NAA11: variants seen among roughly 807,000 people sequenced by gnomAD.
The protein encoded by NAA11 is N-alpha-acetyltransferase 11, NatA catalytic subunit, also known as N-alpha-acetyltransferase 11.
Under a neutral mutation model 16.1 loss-of-function variants are expected in NAA11, and 15 were observed. That is an observed-to-expected ratio of 0.93 (90% CI 0.62 to 1.44). The LOEUF is 1.44. NAA11 is among the 40% of genes most tolerant of loss of function. The probability of loss-of-function intolerance (pLI) is 0.00; values close to 1 mark genes in which losing one functional copy is unlikely to be tolerated. For synonymous variants in NAA11, 122 were observed against 112.4 expected (o/e 1.09, Z -0.54); for missense variants, 298 against 291.3 (o/e 1.02, Z -0.17).
chr4:79,325,001 A>G (rs750070063), intron 1 of NAA11, among the ~76,000 whole-genome samples, 175 bp downstream of exon 1: 2 of 152,182 alleles, frequency 1.3e-5, no homozygotes, highest in African/African-American at 2.4e-5. Flanking sequence ...AACTTCCAAT[A>G]GCGTGTAATG....
At chr4:79,220,880 A>G (rs559218486), downstream of NAA11, among the ~76,000 whole-genome samples, 2 of 151,952 alleles carry the variant, frequency 1.3e-5, no homozygotes, top group Admixed American at 6.6e-5. Context: ...TCCATATGAA[A>G]TTTAAAGTAG....
intron 2 of NAA11, among the ~76,000 whole-genome samples, chr4:79,257,013 A>G (rs1722129429): frequency 6.6e-6 from 1 of 152,152 alleles, no homozygotes; most frequent in Non-Finnish European, 1.5e-5. Flanking sequence ...TTATATACAT[A>G]TTTCATTAAC....
chr4:79,248,446 G>T (rs1721895529), intron 2 of NAA11, among the ~76,000 whole-genome samples: 1 of 152,136 alleles, frequency 6.6e-6, no homozygotes, highest in African/African-American at 2.4e-5. Flanking sequence ...GGCTGCCAGT[G>T]TGAGCACACT....
chr4:79,245,858 C>T (rs1721809950), intron 2 of NAA11, among the ~76,000 whole-genome samples: 2 of 152,186 alleles, frequency 1.3e-5, no homozygotes, highest in African/African-American at 2.4e-5. Context: ...CTCTGCCCGG[C>T]GGCCACCCCT....
Position 79,325,720 on chromosome 4 carries a change from A to G in NAA11, c.158T>C (p.Val53Ala), listed in dbSNP as rs1216872350. 2 of 1,614,182 alleles carry G rather than the reference A, an allele frequency of 1.2e-6. No individual in the cohort carries two copies. Among genetic ancestry groups the G allele is most frequent in the South Asian group, 1.1e-5 (1 of 91,080 alleles). The change falls in exon 1 of 2, where the codon GTG becomes GCG. Residue 53 changes from valine (V) to alanine (A), a missense_variant. Coordinates refer to ENST00000286794, the MANE Select transcript of NAA11 (RefSeq NM_032693.3). ...CTCCATTTTGGCCAGAACATAGCCC[A>G]CAATCTTCCCGTCCTCATCCTCAGC... ...YIAEDEDGKIVGYVLAKMEEE... is the reference protein window; with the variant it reads ...YIAEDEDGKIAGYVLAKMEEE...
intron 2 of NAA11, among the ~76,000 whole-genome samples, chr4:79,244,340 C>A (rs1460541883): frequency 1.2e-4 from 2 of 17,062 alleles, no homozygotes; most frequent in Non-Finnish European, 8.3e-4. Flanking sequence ...TAATACTAAG[C>A]CATAGGCATC....
At chr4:79,157,898 A>ATTTTT in the NAA11 span, among the ~76,000 whole-genome samples, 2 of 126,008 alleles carry the variant, frequency 1.6e-5, no homozygotes, top group African/African-American at 6.2e-5. Context: ...ATTGCTGATG[A>ATTTTT]TTTTTTTTTT....
chr4:79,235,069 G>A (rs1721544069), intron 2 of NAA11, among the ~76,000 whole-genome samples: 1 of 152,130 alleles, frequency 6.6e-6, no homozygotes, highest in African/African-American at 2.4e-5. Flanking sequence ...GATACCAGAA[G>A]CTGATCTTTT....
chr4:79,208,456 A>T, the NAA11 span, among the ~76,000 whole-genome samples: 304 of 152,182 alleles, frequency 2.0e-3, 1 homozygote, highest in Non-Finnish European at 2.8e-3. Context: ...GATATTTTGC[A>T]TTTCTGACTG....
intron 2 of NAA11, among the ~76,000 whole-genome samples, chr4:79,290,418 T>G (rs1407028257): frequency 6.6e-6 from 1 of 152,178 alleles, no homozygotes; most frequent in Non-Finnish European, 1.5e-5. Context: ...TGAGCCTCTG[T>G]CCTACTCATT....
Position 79,256,652 on chromosome 4 carries a change from A to AATATATATATATATATATATACATATT in NAA11, c.*123-30383_*123-30382insAATATGTATATATATATATATATATAT, listed in dbSNP as rs1491290215. Among the ~76,000 whole-genome samples, 5 of 27,420 alleles carry AATATATATATATATATATATACATATT rather than the reference A, an allele frequency of 1.8e-4. No individual in the cohort carries two copies. In the South Asian group the frequency reaches 6.7e-3, roughly 37 times the overall value. The allele number at this position is 27,420 out of a possible 152,430, so 18.0% of individuals were successfully genotyped here. ...ATGAACCATATATATATAAATATAA[A>AATATATATATATATATATATACATATT]TATATATATATATATATTGACACGA... On this transcript the variant is annotated intron_variant and NMD_transcript_variant, in intron 2 of 2. Transcript: ENST00000511542.
rs1439588933 is a variant in NAA11, at chr4:79,325,653, C to T, written c.225G>A (p.Leu75=). The T allele has an allele frequency of 1.2e-6, 2 of 1,614,070 alleles. No homozygotes were observed. The highest frequency in any genetic ancestry group is 2.2e-5 in the East Asian group (1 of 44,876). ...GGCGCCGGTGTGAACGCTTCACGGC[C>T]AGTGAGGTGATATGGCCATGCGGGA... ...DDVPHGHITS[L]AVKRSHRRLG... The change falls in exon 1 of 2, where the codon CTG becomes CTA. Residue 75 remains leucine (L), a synonymous_variant. Transcript: ENST00000286794.
intron 2 of NAA11, among the ~76,000 whole-genome samples, chr4:79,276,001 A>C (rs1485786881): frequency 1.3e-5 from 2 of 152,120 alleles, no homozygotes; most frequent in Non-Finnish European, 2.9e-5. Flanking sequence ...TTTTAAAAGG[A>C]CAAGATTATT....
chr4:79,252,823 T>C (rs1003869343), intron 2 of NAA11, among the ~76,000 whole-genome samples: 1 of 152,212 alleles, frequency 6.6e-6, no homozygotes, highest in Non-Finnish European at 1.5e-5. Flanking sequence ...AGGGCCACAG[T>C]GAAGAGTCTG....
chr4:79,191,042 T>C, the NAA11 span, among the ~76,000 whole-genome samples: 2 of 152,218 alleles, frequency 1.3e-5, no homozygotes, highest in African/African-American at 4.8e-5. Flanking sequence ...ATGGTGTATA[T>C]GTACCATATT....
At chr4:79,311,837 C>G (rs1215527464), downstream of NAA11, among the ~76,000 whole-genome samples, 1 of 152,160 alleles carries the variant, frequency 6.6e-6, no homozygotes, top group Non-Finnish European at 1.5e-5. Flanking sequence ...AATTAAAGAA[C>G]ATGTATTAAA....
intron 2 of NAA11, among the ~76,000 whole-genome samples, chr4:79,249,059 G>C: frequency 6.6e-6 from 1 of 152,180 alleles, no homozygotes; most frequent in East Asian, 1.9e-4. Flanking sequence ...CCCAATGCCA[G>C]CTCCCAAGAG....
chr4:79,177,795 T>C, the NAA11 span, among the ~76,000 whole-genome samples: 1 of 152,182 alleles, frequency 6.6e-6, no homozygotes, highest in East Asian at 1.9e-4. Context: ...TTGGGAAAGA[T>C]AATTTCCCTC....
chr4:79,232,193 C>G (rs546522817), intron 2 of NAA11, among the ~76,000 whole-genome samples: 20 of 151,968 alleles, frequency 1.3e-4, no homozygotes, highest in Admixed American at 8.5e-4. Flanking sequence ...TGATAGTTGC[C>G]TAAACTGGGA....
Sources: gnomAD v4.1 joint callset for allele counts (sites outside exome capture counted in the v4.1 genomes callset) on GRCh38, gnomAD v4.1.1 for gene constraint, MANE v1.5 for transcripts, NCBI Gene and HGNC (gene_info 2026-07-23, HGNC 2026-07-21) for gene names.